CACNA2D2: variants seen among roughly 807,000 people sequenced by gnomAD.
CACNA2D2 encodes calcium voltage-gated channel auxiliary subunit alpha2delta 2, also known as voltage-dependent calcium channel subunit alpha-2/delta-2.
CACNA2D2 carries 48 observed loss-of-function variants against 166.4 expected under a neutral mutation model. The ratio of observed to expected loss-of-function variants is 0.29; its 90% CI spans 0.23 to 0.37. The LOEUF (loss-of-function observed/expected upper bound fraction) is 0.37, where lower values mean the gene tolerates loss of function less well. Ranked by LOEUF, CACNA2D2 falls within the 10% of genes least tolerant of loss-of-function variation. The pLI is 1.00. For synonymous variants in CACNA2D2, 561 were observed against 573.7 expected (o/e 0.98, Z 0.32); for missense variants, 1,122 against 1,433.0 (o/e 0.78, Z 3.50).
intron 2 of CACNA2D2, among the ~76,000 whole-genome samples, chr3:50,444,286 C>T (rs743756): frequency 0.29 from 43,895 of 152,082 alleles, 8,979 homozygotes; most frequent in African/African-American, 0.54. Context: ...GATGAGGATA[C>T]TGAGGCGCCG....
At chr3:50,438,502 G>A (rs1575686838) in intron 2 of CACNA2D2, among the ~76,000 whole-genome samples, 1 of 152,176 alleles carries the variant, frequency 6.6e-6, no homozygotes, top group Non-Finnish European at 1.5e-5. Context: ...ATGGCTCCGT[G>A]TAAGTGGGAG....
chr3:50,457,047 TGA>T (rs1709388075), intron 2 of CACNA2D2, among the ~76,000 whole-genome samples: 1 of 152,160 alleles, frequency 6.6e-6, no homozygotes. Flanking sequence ...GCCAGGAGTT[TGA>T]GATTAGCTTG....
chr3:50,410,482 G>C (rs1430525801), intron 3 of CACNA2D2, among the ~76,000 whole-genome samples: 4 of 93,812 alleles, frequency 4.3e-5, no homozygotes. Context: ...CCCTGGGATG[G>C]GGGGGGGGGT....
intron 2 of CACNA2D2, among the ~76,000 whole-genome samples, chr3:50,449,911 C>T (rs1471271351): frequency 1.3e-5 from 2 of 152,190 alleles, no homozygotes; most frequent in Admixed American, 6.5e-5. Context: ...GCTTCTCCCA[C>T]ACAATGACAG....
In CACNA2D2 at chr3:50,365,154, G is replaced by A. The variant is rs780332550; in HGVS notation, c.3129C>T (p.Thr1043=). The change falls in exon 36 of 38, where the codon ACC becomes ACT. Residue 1043 remains threonine (T), a synonymous_variant. Transcript: ENST00000424201. The surrounding 1 kb of genome is among the most constrained non-coding windows in gnomAD (Gnocchi z 4.5). ...TCTCGGCCACCACAAAGAGAAGATT[G>A]GTGTTGGTCAGTCTCTGCGCGTGGA... ...RLFHAQRLTN[T]NLLFVVAEKP... is the part of the protein sequence containing the mutation. The A allele has an allele frequency of 3.1e-6, 5 of 1,612,178 alleles. No individual in the cohort carries two copies. Among genetic ancestry groups the A allele is most frequent in the Non-Finnish European group, 3.4e-6 (4 of 1,179,736 alleles).
chr3:50,480,876 GAAC>G, intron 1 of CACNA2D2, among the ~76,000 whole-genome samples: 1 of 26,496 alleles, frequency 3.8e-5, no homozygotes, highest in African/African-American at 1.7e-4. Flanking sequence ...GAACAGGGAG[GAAC>G]GGGAGGAAAG....
intron 2 of CACNA2D2, among the ~76,000 whole-genome samples, chr3:50,458,454 T>C (rs1332103858): frequency 6.6e-6 from 1 of 152,186 alleles, no homozygotes; most frequent in African/African-American, 2.4e-5. Flanking sequence ...TCTGGGCTCA[T>C]GTGGAGGGTC....
chr3:50,498,545 AGCTGGG>A (rs1698818768), intron 1 of CACNA2D2, among the ~76,000 whole-genome samples: 2 of 152,140 alleles, frequency 1.3e-5, no homozygotes, highest in South Asian at 4.1e-4. Flanking sequence ...CATAACTCAA[AGCTGGG>A]GGAAGGAAAG....
chr3:50,374,329 G>A (rs1268009090), intron 22 of CACNA2D2, among the ~76,000 whole-genome samples: 9 of 90,540 alleles, frequency 9.9e-5, no homozygotes, highest in African/African-American at 3.5e-4. Context: ...GGAGAAAGGG[G>A]AGGGTAGGGG....
At chr3:50,495,159 G>A (rs956696731) in intron 1 of CACNA2D2, among the ~76,000 whole-genome samples, 17 of 152,202 alleles carry the variant, frequency 1.1e-4, no homozygotes, top group African/African-American at 4.1e-4. Flanking sequence ...CTCAGTTTCC[G>A]TGTCTATATG....
intron 2 of CACNA2D2, among the ~76,000 whole-genome samples, chr3:50,473,562 A>G (rs1485306972): frequency 6.6e-6 from 1 of 152,222 alleles, no homozygotes; most frequent in East Asian, 1.9e-4. Flanking sequence ...CAGGGTCTGC[A>G]GCAGTATCAC....
In CACNA2D2 at chr3:50,378,232, C is replaced by T. The variant is rs1363742081; in HGVS notation, c.1389+52G>A. 9.0e-6 allele frequency: 14 copies of T among 1,551,762 alleles called. No individual in the cohort carries two copies. The East Asian group carries it at 1.7e-4, about 19-fold the overall frequency. ...GCCCACAGCAGCCCATGGCACACAG[C>T]GTCCCTGCAGGGAAGCCAGGGGCTG... On this transcript the variant is annotated intron_variant, in intron 14 of 37. Coordinates refer to ENST00000424201, the MANE Select transcript of CACNA2D2 (RefSeq NM_006030.4).
chr3:50,402,994 T>C (rs1229342561), intron 3 of CACNA2D2, among the ~76,000 whole-genome samples: 1 of 152,100 alleles, frequency 6.6e-6, no homozygotes, highest in African/African-American at 2.4e-5. Context: ...ATTCTAGAGA[T>C]ATGTGTGGGC....
At chr3:50,436,283 G>C (rs946226018) in intron 2 of CACNA2D2, among the ~76,000 whole-genome samples, 5 of 152,210 alleles carry the variant, frequency 3.3e-5, no homozygotes, top group Non-Finnish European at 7.4e-5. Flanking sequence ...CTCCTGGCCT[G>C]GGATGAAGTT....
At chr3:50,417,304 G>C (rs1707310364) in intron 3 of CACNA2D2, among the ~76,000 whole-genome samples, 1 of 152,302 alleles carries the variant, frequency 6.6e-6, no homozygotes, top group South Asian at 2.1e-4. Context: ...CACCATGCCT[G>C]ATATCCACAC....
chr3:50,423,441 C>A (rs1014568537), intron 3 of CACNA2D2, among the ~76,000 whole-genome samples: 1 of 152,220 alleles, frequency 6.6e-6, no homozygotes, highest in African/African-American at 2.4e-5. Flanking sequence ...CCCTGCTGAC[C>A]TTTTCTAAGT....
Position 50,376,319 on chromosome 3 carries a change from C to G in CACNA2D2, c.1627-131G>C, listed in dbSNP as rs1704990334. 1 of 964,596 alleles carries G rather than the reference C, an allele frequency of 1.0e-6. No individual in the cohort carries two copies. Among genetic ancestry groups the G allele is most frequent in the South Asian group, 1.5e-5 (1 of 65,186 alleles). The allele number at this position is 964,596 out of a possible 1,614,324, so 59.8% of individuals were successfully genotyped here. A position where few individuals can be genotyped will look rare whatever the true frequency, so the allele number is the denominator to read the frequency against. On this transcript the variant is annotated intron_variant, in intron 17 of 37. Transcript: ENST00000424201. The surrounding 1 kb of genome is among the most constrained non-coding windows in gnomAD (Gnocchi z 4.3). Reference sequence around the variant, plus strand: ...TTGCCTGCCTTGGGCTAAGGGCCCCCCCATGCCACGTGGCCCTAAGCCTGT... The same window carrying G: ...TTGCCTGCCTTGGGCTAAGGGCCCCGCCATGCCACGTGGCCCTAAGCCTGT...
rs1408937585 is a variant in CACNA2D2 at position 50,364,221 on chromosome 3, C to G, written c.*445G>C. ...TAGGATTTAAGCTGGGAGGCACAGG[C>G]TTCAAACTGGCCATCTCACCTTCCT... On this transcript the variant is annotated 3_prime_UTR_variant, in exon 38 of 38. Transcript: ENST00000424201. The G allele has an allele frequency of 2.8e-5, 5 of 175,826 alleles. No individual in the cohort carries two copies. Among genetic ancestry groups the G allele is most frequent in the African/African-American group, 1.2e-4 (5 of 42,064 alleles). 10.9% of individuals were successfully genotyped at this position (175,826 alleles called of 1,614,324 possible).
chr3:50,464,052 G>A (rs948327491), intron 2 of CACNA2D2, among the ~76,000 whole-genome samples: 1 of 152,224 alleles, frequency 6.6e-6, no homozygotes, highest in Non-Finnish European at 1.5e-5. Context: ...CAGCAGGCCA[G>A]GTGAGTACCC....
Sources: gnomAD v4.1 joint callset for allele counts (sites outside exome capture counted in the v4.1 genomes callset) on GRCh38, gnomAD v4.1.1 for gene constraint, Gnocchi (gnomAD v3.1) non-coding constraint, MANE v1.5 for transcripts, NCBI Gene and HGNC (gene_info 2026-07-23, HGNC 2026-07-21) for gene names.